DTNA: variants seen among roughly 807,000 people sequenced by gnomAD.
DTNA encodes the protein dystrobrevin alpha, also known as dystrophin-related protein 3.
A neutral mutation model predicts 100.7 loss-of-function variants in DTNA; 43 were observed. The observed-to-expected ratio is 0.43, with a 90% CI of 0.33 to 0.55. The LOEUF (loss-of-function observed/expected upper bound fraction) is 0.55, where lower values mean the gene tolerates loss of function less well. Ranked by LOEUF, DTNA falls within the 20% of genes least tolerant of loss-of-function variation. The probability of loss-of-function intolerance (pLI) is 0.04; values close to 1 mark genes in which losing one functional copy is unlikely to be tolerated. For synonymous variants in DTNA, 349 were observed against 347.9 expected, an observed-to-expected ratio of 1.00 and a Z score of -0.04; for missense variants, 798 against 953.9, an observed-to-expected ratio of 0.84 and a Z score of 2.15.
At chr18:34,861,187 A>G (rs1229659438) in intron 16 of DTNA, among the ~76,000 whole-genome samples, 5 of 152,156 alleles carry the variant, frequency 3.3e-5, no homozygotes, top group African/African-American at 1.2e-4. Context: ...CTGTTCTAAA[A>G]GAAAGTAGCT....
chr18:34,879,767 G>C lies in DTNA; in HGVS notation c.2162+48G>C, dbSNP rs1181156065. 1.9e-6 allele frequency: 3 copies of C among 1,609,122 alleles called. No individual in the cohort carries two copies. The South Asian group carries it at 3.3e-5, about 18-fold the overall frequency. On this transcript the variant is annotated intron_variant, in intron 20 of 22. Transcript: ENST00000444659. The stretch of plus-strand genomic sequence containing the variant: ...CATTTTCTCAGTAACAAAACAATCT[G>C]TAGGAGACAATAAGAAAGTAAAAGC...
intron 17 of DTNA, among the ~76,000 whole-genome samples, chr18:34,869,420 A>G (rs2096741357): frequency 6.6e-6 from 1 of 152,166 alleles, no homozygotes; most frequent in Non-Finnish European, 1.5e-5. Flanking sequence ...ATCTCTTGTA[A>G]TTGCTTTTAA....
intron 8 of DTNA, among the ~76,000 whole-genome samples, chr18:34,819,637 G>A (rs909989199): frequency 2.6e-5 from 4 of 152,088 alleles, no homozygotes; most frequent in Non-Finnish European, 4.4e-5. Context: ...CTTTCTTAGG[G>A]GTTGTAGACC....
At chr18:34,566,809 C>G (rs1016481376) in intron 1 of DTNA, among the ~76,000 whole-genome samples, 2 of 152,172 alleles carry the variant, frequency 1.3e-5, no homozygotes, top group African/African-American at 2.4e-5. Context: ...CCTTCCTGAT[C>G]AGTAGTGTGA....
At chr18:34,587,182 A>C (rs2049232136) in intron 1 of DTNA, among the ~76,000 whole-genome samples, 1 of 151,282 alleles carries the variant, frequency 6.6e-6, no homozygotes, top group Admixed American at 6.6e-5. Flanking sequence ...GTCTCACTAT[A>C]TTGCACTGGC....
intron 17 of DTNA, chr18:34,866,875 CTT>C (rs778058745): frequency 8.4e-5 from 75 of 894,850 alleles, no homozygotes; most frequent in East Asian, 6.2e-4. Context: ...TCATTACATA[CTT>C]TTTTTTTTTT....
upstream of DTNA, among the ~76,000 whole-genome samples, chr18:34,709,709 T>C (rs2146431424): frequency 6.6e-6 from 1 of 152,266 alleles, no homozygotes; most frequent in African/African-American, 2.4e-5. Flanking sequence ...TTAAAAGAAC[T>C]GAAATCTGTT....
At chr18:34,758,682 G>T (rs1471253342) in intron 2 of DTNA, among the ~76,000 whole-genome samples, 4 of 152,216 alleles carry the variant, frequency 2.6e-5, no homozygotes, top group Non-Finnish European at 5.9e-5. Flanking sequence ...TTCCTGGGTT[G>T]TAAACTTGGC....
intron 17 of DTNA, chr18:34,866,788 C>T (rs1269992290): frequency 6.0e-6 from 6 of 992,724 alleles, no homozygotes; most frequent in Non-Finnish European, 7.2e-6. Flanking sequence ...TGTTGGTTGA[C>T]AGTAATCTCT....
In DTNA at chr18:34,888,652, T is replaced by A; in HGVS notation, c.*918T>A. 1.0e-6 allele frequency: 1 copy of A among 985,896 alleles called. No homozygotes were observed. The highest frequency in any genetic ancestry group is 1.2e-6 in the Non-Finnish European group (1 of 829,938). The allele number at this position is 985,896 out of a possible 1,614,324, so 61.1% of individuals were successfully genotyped here. ...AACTATGTTTTGAAATACTCGTTACTAAAGCTGTTTATAAACCACAGGTGC... is the reference window on the plus strand; with the variant it reads ...AACTATGTTTTGAAATACTCGTTACAAAAGCTGTTTATAAACCACAGGTGC... On this transcript the variant is annotated 3_prime_UTR_variant, in exon 23 of 23. Transcript: ENST00000444659.
intron 1 of DTNA, among the ~76,000 whole-genome samples, chr18:34,579,288 AATAG>A (rs1214449734): frequency 1.3e-5 from 2 of 152,206 alleles, no homozygotes; most frequent in South Asian, 2.1e-4. Flanking sequence ...TTAAAATATG[AATAG>A]ATAGGTAGGT....
In DTNA at chr18:34,879,708, G is replaced by A. The variant is rs1403578902; in HGVS notation, c.2151G>A (p.Met717Ile). The A allele has an allele frequency of 1.2e-6, 2 of 1,614,074 alleles. No homozygotes were observed. Among genetic ancestry groups the A allele is most frequent in the Admixed American group, 3.3e-5 (2 of 60,014 alleles). Residue 717 changes from methionine (M) to isoleucine (I), a missense_variant, in exon 20 of 23, where the codon ATG becomes ATA. Met to Ile is a conservative substitution (Grantham distance 10). Coordinates refer to ENST00000444659, the MANE Select transcript of DTNA (RefSeq NM_001386795.1). ...ACAGTGGAGCTACCACAAGTACCATGCGTGGCGACATGTGAGTATCTTCCG... is the reference window on the plus strand; with the variant it reads ...ACAGTGGAGCTACCACAAGTACCATACGTGGCGACATGTGAGTATCTTCCG... The part of the protein sequence containing the change: ...YIHSGATTST[M>I]RGDMVTEDAD...
rs538649533 is a variant in DTNA at position 34,739,570 on chromosome 18, A to G, written c.-1-16406A>G. Among the ~76,000 whole-genome samples the G allele has an allele frequency of 2.0e-5, 3 of 152,282 alleles. No homozygotes were observed. In the South Asian group the frequency reaches 6.2e-4, roughly 32 times the overall value. Reference sequence around the variant, plus strand: ...ATTATGACAATCACTTGCAAACTCCAAGTCTCTCATTCCTCACCTCCGCAA... The same window carrying G: ...ATTATGACAATCACTTGCAAACTCCGAGTCTCTCATTCCTCACCTCCGCAA... On this transcript the variant is annotated intron_variant, in intron 1 of 22. Transcript: ENST00000444659.
chr18:34,863,910 T>C (rs1236967126), intron 16 of DTNA, 56 bp from the exon 17 acceptor site: 41 of 1,524,468 alleles, frequency 2.7e-5, no homozygotes, highest in Non-Finnish European at 3.5e-5. Flanking sequence ...AGAATGGAAA[T>C]GTGATTAGCT....
intron 1 of DTNA, among the ~76,000 whole-genome samples, chr18:34,526,501 A>G (rs1428010049): frequency 6.6e-6 from 1 of 152,134 alleles, no homozygotes; most frequent in African/African-American, 2.4e-5. Context: ...TACTAAATAT[A>G]AAATACTGAT....
intron 1 of DTNA, among the ~76,000 whole-genome samples, chr18:34,551,916 C>T (rs1433297141): frequency 6.6e-6 from 1 of 152,108 alleles, no homozygotes; most frequent in East Asian, 1.9e-4. Context: ...CAGTGGCTCT[C>T]ATTCTATTCA....
intron 1 of DTNA, among the ~76,000 whole-genome samples, chr18:34,613,282 T>G (rs1222673867): frequency 6.6e-6 from 1 of 152,158 alleles, no homozygotes; most frequent in African/African-American, 2.4e-5. Flanking sequence ...CTCCCTATCC[T>G]CCAACCTCCC....
At chr18:34,614,759 G>T (rs2054906376) in intron 1 of DTNA, among the ~76,000 whole-genome samples, 2 of 152,204 alleles carry the variant, frequency 1.3e-5, no homozygotes, top group Admixed American at 1.3e-4. Context: ...AAAGGAAGTG[G>T]TTTCATGAGA....
At chr18:34,797,492 G>C (rs1355437645) in intron 4 of DTNA, among the ~76,000 whole-genome samples, 1 of 152,028 alleles carries the variant, frequency 6.6e-6, no homozygotes, top group Non-Finnish European at 1.5e-5. Flanking sequence ...GGAGCCTTCC[G>C]CTCCTCTGTC....
Sources: allele counts gnomAD v4.1 joint callset (sites outside exome capture counted in the v4.1 genomes callset), GRCh38; gene constraint gnomAD v4.1.1; transcripts MANE v1.5; gene names NCBI Gene and HGNC (gene_info 2026-07-23, HGNC 2026-07-21).